XKR4: variants seen among roughly 807,000 people sequenced by gnomAD.
The protein encoded by XKR4 is XK-related protein 4.
In XKR4, 12 loss-of-function variants were observed where a neutral mutation model predicts 53.9. That is an observed-to-expected ratio of 0.22 (90% CI 0.14 to 0.36). The LOEUF is 0.36. Ranked by LOEUF, XKR4 falls within the 10% of genes least tolerant of loss-of-function variation. The pLI is 1.00. For missense variants in XKR4, 799 were observed against 859.5 expected (o/e 0.93, Z 0.88); for synonymous variants, 354 against 362.4 (o/e 0.98, Z 0.26).
intron 2 of XKR4, among the ~76,000 whole-genome samples, chr8:55,478,900 CA>C (rs1806052156): frequency 6.6e-6 from 1 of 152,068 alleles, no homozygotes; most frequent in African/African-American, 2.4e-5. Context: ...ATTCATAAAG[CA>C]AGTCCTTAGT....
At chr8:55,429,966 G>A (rs1329259664) in intron 2 of XKR4, among the ~76,000 whole-genome samples, 1 of 152,054 alleles carries the variant, frequency 6.6e-6, no homozygotes, top group African/African-American at 2.4e-5. Flanking sequence ...ATCTAGCTGG[G>A]ACATGGGCAA....
intron 2 of XKR4, among the ~76,000 whole-genome samples, chr8:55,475,846 C>T (rs1391585262): frequency 6.6e-6 from 1 of 151,934 alleles, no homozygotes; most frequent in African/African-American, 2.4e-5. Context: ...TGTGATCCAC[C>T]CTCCTCAGCC....
At chr8:55,470,248 G>A (rs1312534985) in intron 2 of XKR4, among the ~76,000 whole-genome samples, 1 of 152,096 alleles carries the variant, frequency 6.6e-6, no homozygotes, top group Non-Finnish European at 1.5e-5. Flanking sequence ...TAGAAGTTAA[G>A]GTACAAGACG....
intron 1 of XKR4, among the ~76,000 whole-genome samples, chr8:55,250,143 T>A (rs1236423691): frequency 2.0e-5 from 3 of 152,176 alleles, no homozygotes; most frequent in African/African-American, 4.8e-5. Context: ...GGATCTTAGG[T>A]TCCTGATGGT....
intron 1 of XKR4, among the ~76,000 whole-genome samples, chr8:55,305,765 C>T (rs1019338255): frequency 6.6e-6 from 1 of 152,064 alleles, no homozygotes; most frequent in Non-Finnish European, 1.5e-5. Context: ...CCCAACCCAC[C>T]AAGCTCAATG....
chr8:55,488,013 A>G (rs189283537), intron 2 of XKR4, among the ~76,000 whole-genome samples: 1 of 152,348 alleles, frequency 6.6e-6, no homozygotes, highest in Non-Finnish European at 1.5e-5. Flanking sequence ...AGGATTGTAC[A>G]TGGGGAATTT....
chr8:55,398,159 T>C (rs975620127), intron 2 of XKR4, among the ~76,000 whole-genome samples: 5 of 152,152 alleles, frequency 3.3e-5, no homozygotes, highest in African/African-American at 1.2e-4. Context: ...TCCTCTCCTT[T>C]TCAAAACCTC....
chr8:55,483,338 A>T lies in XKR4; in HGVS notation c.1007-39943A>T, dbSNP rs1436865733. ...CAACTGTTATTTAGGAAATGAAAAT[A>T]AAATGTGGTCATCCAAGAATTTTAA... On this transcript the variant is annotated intron_variant, in intron 2 of 2. Coordinates refer to ENST00000327381, the MANE Select transcript of XKR4 (RefSeq NM_052898.2). Among the ~76,000 whole-genome samples, 3 of 152,338 alleles carry T rather than the reference A, an allele frequency of 2.0e-5. No individual in the cohort carries two copies. The East Asian group carries it at 5.8e-4, about 29-fold the overall frequency.
intron 1 of XKR4, among the ~76,000 whole-genome samples, chr8:55,254,160 T>C (rs1818402599): frequency 1.3e-5 from 2 of 152,036 alleles, no homozygotes; most frequent in Admixed American, 1.3e-4. Flanking sequence ...GCCTTTCTTC[T>C]TATGTTGTGT....
rs192755919 is a variant in XKR4, at chr8:55,476,290, G to A, written c.1007-46991G>A. On this transcript the variant is annotated intron_variant, in intron 2 of 2. Transcript: ENST00000327381. ...AAGCCAGTATCAGAATTCACAGGGC[G>A]CCTGACTGTCTTTAGGAAGCAGTAC... 1.9e-4 allele frequency among the ~76,000 whole-genome samples: 29 copies of A among 152,152 alleles called. 2 individuals carry two copies. The East Asian group carries it at 4.2e-3, about 22-fold the overall frequency.
intron 1 of XKR4, among the ~76,000 whole-genome samples, chr8:55,216,721 G>A (rs1195964305): frequency 2.4e-5 from 3 of 122,576 alleles, no homozygotes; most frequent in Admixed American, 1.8e-4. Flanking sequence ...GAGCGAAATT[G>A]CATCTCAAAA....
At chr8:55,259,906 C>T (rs1366143670) in intron 1 of XKR4, among the ~76,000 whole-genome samples, 1 of 152,018 alleles carries the variant, frequency 6.6e-6, no homozygotes, top group African/African-American at 2.4e-5. Flanking sequence ...ACACCACACA[C>T]TCACCCACCC....
intron 1 of XKR4, among the ~76,000 whole-genome samples, chr8:55,204,009 G>A (rs1412799186): frequency 6.6e-6 from 1 of 151,988 alleles, no homozygotes; most frequent in Non-Finnish European, 1.5e-5. Flanking sequence ...TTTGCTTTTT[G>A]TTTTTTGTTT....
intron 1 of XKR4, among the ~76,000 whole-genome samples, chr8:55,233,195 C>A (rs149432714): frequency 1.3e-5 from 2 of 152,186 alleles, no homozygotes; most frequent in African/African-American, 4.8e-5. Context: ...AAAGCTACAA[C>A]GCCTGGCTTC....
At chr8:55,412,953 G>A (rs141261826) in intron 2 of XKR4, among the ~76,000 whole-genome samples, 1,720 of 152,264 alleles carry the variant, frequency 0.011, 22 homozygotes, top group Middle Eastern at 0.024. Context: ...AATTAAAGTC[G>A]CCAGCAGAAC....
chr8:55,378,225 T>G (rs1804177946), intron 2 of XKR4, among the ~76,000 whole-genome samples: 1 of 152,222 alleles, frequency 6.6e-6, no homozygotes, highest in Non-Finnish European at 1.5e-5. Flanking sequence ...GCATTATTCT[T>G]ATAAATTTAC....
chr8:55,319,870 C>A (rs1803181301), intron 1 of XKR4, among the ~76,000 whole-genome samples: 1 of 152,104 alleles, frequency 6.6e-6, no homozygotes, highest in East Asian at 1.9e-4. Context: ...AATTCATGTG[C>A]ATCTGATTGC....
chr8:55,478,543 A>G (rs1326158086), intron 2 of XKR4, among the ~76,000 whole-genome samples: 2 of 152,154 alleles, frequency 1.3e-5, no homozygotes, highest in Non-Finnish European at 2.9e-5. Flanking sequence ...AACTCCACAC[A>G]TAACAATATT....
At chr8:55,392,992 G>A (rs1804463677) in intron 2 of XKR4, among the ~76,000 whole-genome samples, 1 of 151,774 alleles carries the variant, frequency 6.6e-6, no homozygotes, top group African/African-American at 2.4e-5. Context: ...TGTTGATGAG[G>A]GGAAGTTCTT....
Sources: allele counts gnomAD v4.1 joint callset (sites outside exome capture counted in the v4.1 genomes callset), GRCh38; gene constraint gnomAD v4.1.1; transcripts MANE v1.5; gene names NCBI Gene and HGNC (gene_info 2026-07-23, HGNC 2026-07-21).